Variants in PLXNA3 observed in about 807,000 individuals in gnomAD.
PLXNA3 encodes the protein plexin-A3.
Under a neutral mutation model 118.8 loss-of-function variants are expected in PLXNA3, and 52 were observed. That is an observed-to-expected ratio of 0.44 (90% CI 0.35 to 0.55). PLXNA3 has a LOEUF of 0.55. PLXNA3 is among the 20% of genes least tolerant of loss of function. PLXNA3 has a pLI of 0.01. For synonymous variants in PLXNA3, 925 were observed against 762.4 expected (o/e 1.21, Z -3.51); for missense variants, 1,660 against 1,730.8 (o/e 0.96, Z 0.73).
Position 154,466,631 on chromosome X carries a change from C to T in PLXNA3, c.2945C>T (p.Ala982Val). Residue 982 changes from alanine (A) to valine (V), a missense_variant, in exon 17 of 33, where the codon GCC (alanine) becomes GTC (valine). By Grantham distance (64) the Ala-to-Val change is moderately conservative (BLOSUM62 0). Transcript: ENST00000369682. ...CCTGCTTGCCAATGTAGGAGAGATG[C>T]CAAGGCGATCGTGTGCATCTCACCT... is the stretch of plus-strand genomic sequence containing the variant. ...DSECQFVRRD[A>V]KAIVCISPLS... 1 of 1,201,812 alleles carries T rather than the reference C, an allele frequency of 8.3e-7. No individual in the cohort carries two copies. The highest frequency in any genetic ancestry group is 1.1e-6 in the Non-Finnish European group (1 of 890,782).
At position 154,463,983 on chromosome X, in the gene PLXNA3, C is replaced by T. The variant is rs1203280695; in HGVS notation, c.1580C>T (p.Ser527Phe). The change falls in exon 7 of 33, where the codon TCT (serine) becomes TTT (phenylalanine). Residue 527 changes from serine to phenylalanine, a missense_variant. Coordinates refer to ENST00000369682, the MANE Select transcript of PLXNA3 (RefSeq NM_017514.5). ...CCREGACLGASAPHGFAEELS... is the reference protein window; with the variant it reads ...CCREGACLGAFAPHGFAEELS... ...CGCGAAGGGGCCTGTCTGGGCGCCT[C>T]TGCCCCACACGGCTTTGCTGAGGAG... 2.5e-6 allele frequency: 3 copies of T among 1,196,531 alleles called. No individual in the cohort carries two copies. Among genetic ancestry groups the T allele is most frequent in the Admixed American group, 2.3e-5 (1 of 44,164 alleles).
intron 4 of PLXNA3, among the ~76,000 whole-genome samples, chrX:154,462,978 G>C (rs1557205321): frequency 9.0e-6 from 1 of 111,349 alleles, no homozygotes; most frequent in Non-Finnish European, 1.9e-5. Context: ...AACTCTCCTG[G>C]CCCACCTGCT....
In PLXNA3 at chrX:154,460,240, C is replaced by T. The variant is rs1054864178; in HGVS notation, c.57C>T (p.Gly19=). 1.7e-6 allele frequency: 2 copies of T among 1,209,769 alleles called. No individual in the cohort carries two copies. The highest frequency in any genetic ancestry group is 1.8e-5 in the South Asian group (1 of 56,985). The change falls in exon 2 of 33, where the codon GGC becomes GGT. Residue 19 remains glycine, a synonymous_variant. Transcript: ENST00000369682. The part of the protein sequence containing the change: ...LLFLAVGGAL[G]NRPFRAFVVT... ...TCCTTGCCGTGGGGGGGGCCCTGGGCAACAGGCCCTTCCGTGCCTTCGTGG... is the reference window on the plus strand; with the variant it reads ...TCCTTGCCGTGGGGGGGGCCCTGGGTAACAGGCCCTTCCGTGCCTTCGTGG...
chrX:154,464,545 G>C (rs2069042661), intron 9 of PLXNA3, 44 bp downstream of exon 9: 2 of 1,059,866 alleles, frequency 1.9e-6, no homozygotes, highest in Non-Finnish European at 2.6e-6. Context: ...GGGGATAGAG[G>C]GGACCTCTGG....
chrX:154,464,071 G>A lies in PLXNA3; in HGVS notation c.1668G>A (p.Val556=), dbSNP rs146233408. 8.3e-7 allele frequency: 1 copy of A among 1,209,762 alleles called. No individual in the cohort carries two copies. Among genetic ancestry groups the A allele is most frequent in the Non-Finnish European group, 1.1e-6 (1 of 894,682 alleles). The change falls in exon 7 of 33, where the codon GTG becomes GTA. Residue 556 remains valine, a synonymous_variant. Transcript: ENST00000369682. ...ATGTGTCAGTGACGTCACCTGGGGT[G>A]CAGGTGAGCAGCTTGGGGGTGCCCG... ...PNNVSVTSPG[V]QLTVTLHNVP... is the part of the protein sequence containing the mutation.
chrX:154,469,389 G>A lies in PLXNA3; in HGVS notation c.4605G>A (p.Gln1535=), dbSNP rs781951303. 4.1e-6 allele frequency: 5 copies of A among 1,207,664 alleles called. No homozygotes were observed. Among genetic ancestry groups the A allele is most frequent in the Middle Eastern group, 2.3e-4 (1 of 4,370 alleles). Residue 1535 remains glutamine (Q), a synonymous_variant, in exon 27 of 33, where the codon CAG becomes CAA. Transcript: ENST00000369682. The part of the protein sequence containing the change: ...KAEDMDLEWR[Q]GRMTRIILQD... ...GTCTGTGGCCCACAGAGTGGCGCCA[G>A]GGCCGCATGACTCGCATCATCCTCC...
chrX:154,469,643 T>C, intron 27 of PLXNA3, 45 bp from the exon 28 acceptor site: 3 of 1,138,933 alleles, frequency 2.6e-6, no homozygotes, highest in Non-Finnish European at 3.6e-6. Context: ...GCGCCTTGGC[T>C]TCTCAGCTTC....
In PLXNA3 at chrX:154,463,492, G is replaced by A. The variant is rs1557205551; in HGVS notation, c.1419G>A (p.Arg473=). The change falls in exon 5 of 33, where the codon CGG becomes CGA. Residue 473 remains arginine (R), a synonymous_variant. Coordinates refer to ENST00000369682, the MANE Select transcript of PLXNA3 (RefSeq NM_017514.5). ...ACCTGCTCTTCAGCCCGGACCACCG[G>A]CACATCTATCTCCTGAGTGAGAAGC... The part of the protein sequence containing the change: ...LRDLLFSPDH[R]HIYLLSEKQV... The A allele has an allele frequency of 4.2e-6, 5 of 1,197,091 alleles. No homozygotes were observed. Among genetic ancestry groups the A allele is most frequent in the Non-Finnish European group, 5.6e-6 (5 of 889,437 alleles).
In PLXNA3 at chrX:154,462,160, G is replaced by T. The variant is rs139573527; in HGVS notation, c.1167G>T (p.Leu389=). Residue 389 remains leucine, a synonymous_variant, in exon 4 of 33, where the codon CTG becomes CTT. Coordinates refer to ENST00000369682, the MANE Select transcript of PLXNA3 (RefSeq NM_017514.5). The part of the protein sequence containing the change: ...PMQINGNFCG[L]VLNQPLGGLH... ...AGATCAACGGCAACTTCTGTGGGCT[G>T]GTGTTGAACCAGCCTCTGGGAGGCC... The T allele has an allele frequency of 3.3e-6, 4 of 1,202,338 alleles. No individual in the cohort carries two copies. The East Asian group carries it at 1.2e-4, about 36-fold the overall frequency.
Position 154,463,617 on chromosome X carries a change from G to A in PLXNA3, c.1474G>A (p.Glu492Lys). 2 of 1,204,463 alleles carry A rather than the reference G, an allele frequency of 1.7e-6. No individual in the cohort carries two copies. Among genetic ancestry groups the A allele is most frequent in the African/African-American group, 1.7e-5 (1 of 57,732 alleles). The change falls in exon 6 of 33, where the codon GAG becomes AAG. Residue 492 changes from glutamate to lysine, a missense_variant. Glu to Lys is a moderately conservative substitution (Grantham distance 56). This residue lies in a region of PLXNA3 where 791 missense variants were observed against 652.1 expected (regional missense o/e 1.21). Coordinates refer to ENST00000369682, the MANE Select transcript of PLXNA3 (RefSeq NM_017514.5). ...QVSQLPVETCEQYQSCAACLG... is the reference protein window; with the variant it reads ...QVSQLPVETCKQYQSCAACLG... Reference sequence around the variant, plus strand: ...GAGCCAGCTCCCGGTGGAGACCTGTGAGCAGTACCAGAGCTGCGCAGCCTG... The same window carrying A: ...GAGCCAGCTCCCGGTGGAGACCTGTAAGCAGTACCAGAGCTGCGCAGCCTG...
rs782556981 is a variant in PLXNA3, at chrX:154,466,848, G to A, written c.3107+55G>A. On this transcript the variant is annotated intron_variant, in intron 17 of 32. Coordinates refer to ENST00000369682, the MANE Select transcript of PLXNA3 (RefSeq NM_017514.5). ...CAGTGTCCAGAGGGCTCAGGGACTG[G>A]GTGGTCTCTGAGCTCCGGTGGGGCC... 19 of 1,045,168 alleles carry A rather than the reference G, an allele frequency of 1.8e-5. No individual in the cohort carries two copies. In the South Asian group the frequency reaches 3.4e-4, roughly 19 times the overall value. 86.1% of individuals were successfully genotyped at this position (1,045,168 alleles called of 1,213,427 possible).
rs1569554622 is a variant in PLXNA3 at position 154,468,297 on chromosome X, C to T, written c.3964-6C>T. 8.3e-7 allele frequency: 1 copy of T among 1,200,890 alleles called. No individual in the cohort carries two copies. Reference sequence around the variant, plus strand: ...CCCACCCTCTGAGACCTCCTGCTCCCCACAGACGCCACCCAACGTGGAGAA... The same window carrying T: ...CCCACCCTCTGAGACCTCCTGCTCCTCACAGACGCCACCCAACGTGGAGAA... On this transcript the variant is annotated splice_region_variant and splice_polypyrimidine_tract_variant and intron_variant, in intron 22 of 32. Transcript: ENST00000369682.
chrX:154,477,270 A>G lies in PLXNA3; in HGVS notation c.*4585A>G, dbSNP rs1557211029. On this transcript the variant is annotated 3_prime_UTR_variant, in exon 33 of 33. Transcript: ENST00000369682. ...AGCACATCTTCAAAGCAAGACTCAA[A>G]AGGATCAAACCATTTCCTTGTTTTC... 1 of 112,369 alleles carries G rather than the reference A, an allele frequency of 8.9e-6. No individual in the cohort carries two copies. Among genetic ancestry groups the G allele is most frequent in the East Asian group, 2.8e-4 (1 of 3,609 alleles). 9.3% of individuals were successfully genotyped at this position (112,369 alleles called of 1,213,427 possible).
Position 154,474,629 on chromosome X carries a change from C to T in PLXNA3, c.*1944C>T, listed in dbSNP as rs1432500212. 1 of 107,892 alleles carries T rather than the reference C, an allele frequency of 9.3e-6. No homozygotes were observed. The highest frequency in any genetic ancestry group is 3.4e-5 in the African/African-American group (1 of 29,539). 8.9% of individuals were successfully genotyped at this position (107,892 alleles called of 1,213,427 possible). A position where few individuals can be genotyped will look rare whatever the true frequency, so the allele number is the denominator to read the frequency against. ...AATAGCTGGAACTACAGGTGCCCACCACCACGCCCGGCTAATTTTTTGTAT... is the reference window on the plus strand; with the variant it reads ...AATAGCTGGAACTACAGGTGCCCACTACCACGCCCGGCTAATTTTTTGTAT... On this transcript the variant is annotated 3_prime_UTR_variant, in exon 33 of 33. Transcript: ENST00000369682.
chrX:154,471,135 C>T lies in PLXNA3; in HGVS notation c.5187C>T (p.Ile1729=), dbSNP rs1312612069. The part of the protein sequence containing the change: ...CLPLRFWVNV[I]KNPQFVFDIH... ...CGCTGCGCTTCTGGGTGAATGTGATCAAGAACCCGCAGTTCGTGTTCGACA... is the reference window on the plus strand; with the variant it reads ...CGCTGCGCTTCTGGGTGAATGTGATTAAGAACCCGCAGTTCGTGTTCGACA... The change falls in exon 31 of 33, where the codon ATC becomes ATT. Residue 1729 remains isoleucine (I), a synonymous_variant. Transcript: ENST00000369682. 1.7e-6 allele frequency: 2 copies of T among 1,210,823 alleles called. No homozygotes were observed. Among genetic ancestry groups the T allele is most frequent in the Middle Eastern group, 2.3e-4 (1 of 4,353 alleles).
In PLXNA3 at chrX:154,477,743, T is replaced by A; in HGVS notation, c.*5058T>A. 1 of 340,591 alleles carries A rather than the reference T, an allele frequency of 2.9e-6. No individual in the cohort carries two copies. Among genetic ancestry groups the A allele is most frequent in the Non-Finnish European group, 5.1e-6 (1 of 196,593 alleles). 28.1% of individuals were successfully genotyped at this position (340,591 alleles called of 1,213,427 possible). ...CAAGCACAACAAGAATATTGGGAGG[T>A]GCCCCAGCTGCAAATAAACTCAGAC... On this transcript the variant is annotated 3_prime_UTR_variant, in exon 33 of 33. Coordinates refer to ENST00000369682, the MANE Select transcript of PLXNA3 (RefSeq NM_017514.5).
chrX:154,459,645 C>A (rs782485719), intron 1 of PLXNA3, among the ~76,000 whole-genome samples: 63 of 112,429 alleles, frequency 5.6e-4, no homozygotes, highest in Non-Finnish European at 1.1e-3. Flanking sequence ...AGCTGGGGCC[C>A]CTGCAGGGGA....
Position 154,460,508 on chromosome X carries a change from C to T in PLXNA3, c.325C>T (p.Leu109=). ...GCTCATAGACTATGCGGCCCGCCGC[C>T]TGGTGGCCTGCGGCAGCATCTGGCA... The part of the protein sequence containing the change: ...LLLIDYAARR[L]VACGSIWQGI... Residue 109 remains leucine (L), a synonymous_variant, in exon 2 of 33, where the codon CTG becomes TTG. Coordinates refer to ENST00000369682, the MANE Select transcript of PLXNA3 (RefSeq NM_017514.5). 8.3e-7 allele frequency: 1 copy of T among 1,210,387 alleles called. No individual in the cohort carries two copies. Among genetic ancestry groups the T allele is most frequent in the East Asian group, 3.0e-5 (1 of 33,852 alleles).
chrX:154,459,282 C>T (rs939162177), intron 1 of PLXNA3, among the ~76,000 whole-genome samples: 2 of 110,221 alleles, frequency 1.8e-5, no homozygotes, highest in African/African-American at 6.6e-5. Flanking sequence ...GCTCTGCTGT[C>T]TTAGCAGCCT....
Sources: gnomAD v4.1 joint callset for allele counts (sites outside exome capture counted in the v4.1 genomes callset) on GRCh38, gnomAD v4.1.1 for gene constraint, gnomAD v4.1.1 regional missense constraint, MANE v1.5 for transcripts, NCBI Gene and HGNC (gene_info 2026-07-23, HGNC 2026-07-21) for gene names.